VPS36: variants seen among roughly 807,000 people sequenced by gnomAD.
The protein encoded by VPS36 is vacuolar protein-sorting-associated protein 36.
VPS36 carries 31 observed loss-of-function variants against 63.5 expected under a neutral mutation model. The ratio of observed to expected loss-of-function variants is 0.49; its 90% CI spans 0.37 to 0.66. The LOEUF (loss-of-function observed/expected upper bound fraction) is 0.66. VPS36 is among the 30% of genes least tolerant of loss of function. VPS36 has a pLI of 0.00. For synonymous variants in VPS36, 138 were observed against 157.2 expected (o/e 0.88, Z 0.91); for missense variants, 338 against 463.7 (o/e 0.73, Z 2.49).
intron 1 of VPS36, among the ~76,000 whole-genome samples, chr13:52,445,655 A>AG (rs2137811058): frequency 1.2e-5 from 1 of 86,264 alleles, no homozygotes; most frequent in African/African-American, 4.6e-5. Context: ...AAAAAAAAAA[A>AG]GGCCGGGCGC....
intron 1 of VPS36, among the ~76,000 whole-genome samples, chr13:52,446,265 GAA>G (rs1304355658): frequency 0.014 from 1,426 of 104,616 alleles, 10 homozygotes; most frequent in African/African-American, 0.031. Flanking sequence ...GATTCCGTCT[GAA>G]AAAAAAAAAA....
intron 10 of VPS36, among the ~76,000 whole-genome samples, chr13:52,421,670 C>T (rs2137776088): frequency 6.6e-6 from 1 of 151,884 alleles, no homozygotes; most frequent in East Asian, 1.9e-4. Flanking sequence ...TACAGGCACA[C>T]ACCACCAAAC....
chr13:52,444,385 G>A (rs1958313371), intron 1 of VPS36, among the ~76,000 whole-genome samples: 1 of 151,646 alleles, frequency 6.6e-6, no homozygotes, highest in Non-Finnish European at 1.5e-5. Flanking sequence ...GCATGAACCC[G>A]GGAGGCGGAG....
At chr13:52,417,002 G>C in intron 12 of VPS36, 55 bp downstream of exon 12, 1 of 1,476,122 alleles carries the variant, frequency 6.8e-7, no homozygotes, top group Non-Finnish European at 9.3e-7. Flanking sequence ...GAGTTGCTAA[G>C]CCTTCGGGTC....
rs779092607 is a variant in VPS36, at chr13:52,418,028, G to C, written c.869C>G (p.Ala290Gly). 2 of 1,611,692 alleles carry C rather than the reference G, an allele frequency of 1.2e-6. No homozygotes were observed. The highest frequency in any genetic ancestry group is 2.2e-5 in the East Asian group (1 of 44,814). ...TTTCAGTGCTTCCAGCATCTTGCAC[G>C]CATTCACTAAATCTTCTGGTGAGAG... Reference protein sequence around the residue: ...ELLSPEDLVNACKMLEALKLP... With the variant: ...ELLSPEDLVNGCKMLEALKLP... Residue 290 changes from alanine (A) to glycine (G), a missense_variant, in exon 11 of 14, where the codon GCG becomes GGG. By Grantham distance (60) the Ala-to-Gly change is moderately conservative (BLOSUM62 0). Transcript: ENST00000378060.
chr13:52,429,231 C>G, intron 6 of VPS36: 1 of 984,624 alleles, frequency 1.0e-6, no homozygotes, highest in Non-Finnish European at 1.2e-6. Flanking sequence ...TGATTTCTTA[C>G]TTACTTTTAG....
intron 10 of VPS36, among the ~76,000 whole-genome samples, chr13:52,418,666 AT>A (rs1354935289): frequency 6.6e-6 from 1 of 152,114 alleles, no homozygotes; most frequent in South Asian, 2.1e-4. Flanking sequence ...CATAGAACCA[AT>A]TCAACATATA....
At chr13:52,438,713 G>A (rs555555997) in intron 3 of VPS36, among the ~76,000 whole-genome samples, 6 of 152,214 alleles carry the variant, frequency 3.9e-5, no homozygotes, top group African/African-American at 1.2e-4. Context: ...TCTGATAAAT[G>A]TCCTGCTTTG....
At chr13:52,431,491 G>A (rs936731003) in intron 6 of VPS36, among the ~76,000 whole-genome samples, 1 of 152,088 alleles carries the variant, frequency 6.6e-6, no homozygotes, top group African/African-American at 2.4e-5. Context: ...CGGTCTGGGC[G>A]CGGTGGCTCA....
At chr13:52,418,133 C>T in intron 10 of VPS36, 77 bp from the exon 11 acceptor site, 1 of 1,268,730 alleles carries the variant, frequency 7.9e-7, no homozygotes, top group Non-Finnish European at 1.1e-6. Flanking sequence ...TTTAAAATTA[C>T]CATTTATCAA....
chr13:52,420,950 G>A (rs771641499), intron 10 of VPS36, among the ~76,000 whole-genome samples: 3 of 152,062 alleles, frequency 2.0e-5, no homozygotes, highest in African/African-American at 2.4e-5. Context: ...GGGAAACCCC[G>A]ATTCTACTAA....
rs1391543312 is a variant in VPS36, at chr13:52,434,891, C to T, written c.352-9G>A. 3 of 1,607,748 alleles carry T rather than the reference C, an allele frequency of 1.9e-6. No homozygotes were observed. Among genetic ancestry groups the T allele is most frequent in the Non-Finnish European group, 2.6e-6 (3 of 1,175,378 alleles). ...GATAAACGCCTGTAAAACTGATACG[C>T]AAATAAATACACTTTAAATGACTCA... On this transcript the variant is annotated splice_polypyrimidine_tract_variant and intron_variant, in intron 4 of 13. Transcript: ENST00000378060.
chr13:52,436,252 C>CACACAA, intron 4 of VPS36, 38 bp downstream of exon 4: 1 of 1,419,664 alleles, frequency 7.0e-7, no homozygotes. Context: ...CACACACACA[C>CACACAA]ACCTTTCTAG....
At position 52,444,501 on chromosome 13, in the gene VPS36, T is replaced by C. The variant is rs148634354; in HGVS notation, c.97-2056A>G. 5.3e-3 allele frequency among the ~76,000 whole-genome samples: 779 copies of C among 147,522 alleles called. 3 individuals carry two copies. The highest frequency in any genetic ancestry group is 7.2e-3 in the Non-Finnish European group (484 of 67,122). ...ACATTTTTATATAAATACATATACA[T>C]ATATATGTATAAAAATATATATATT... On this transcript the variant is annotated intron_variant, in intron 1 of 13. Coordinates refer to ENST00000378060, the MANE Select transcript of VPS36 (RefSeq NM_016075.4).
intron 6 of VPS36, among the ~76,000 whole-genome samples, chr13:52,431,514 T>G (rs1342610577): frequency 1.3e-5 from 2 of 151,312 alleles, no homozygotes; most frequent in Non-Finnish European, 3.0e-5. Flanking sequence ...CCTGTAATCC[T>G]AGCACTTTGG....
At chr13:52,447,583 A>C (rs1435865071) in intron 1 of VPS36, among the ~76,000 whole-genome samples, 2 of 152,218 alleles carry the variant, frequency 1.3e-5, no homozygotes, top group African/African-American at 4.8e-5. Context: ...TGTATTCATA[A>C]GAGGCACTTG....
intron 5 of VPS36, 58 bp from the exon 6 acceptor site, chr13:52,433,806 T>G: frequency 6.7e-7 from 1 of 1,486,892 alleles, no homozygotes; most frequent in Non-Finnish European, 9.2e-7. Flanking sequence ...AACAAAATCT[T>G]TTGTAACCAA....
chr13:52,433,967 A>G (rs1958186476), intron 5 of VPS36, among the ~76,000 whole-genome samples: 1 of 152,226 alleles, frequency 6.6e-6, no homozygotes, highest in Non-Finnish European at 1.5e-5. Flanking sequence ...AATATACAAT[A>G]AATGGCATAT....
At chr13:52,445,971 C>T (rs1398743756) in intron 1 of VPS36, among the ~76,000 whole-genome samples, 1 of 116,200 alleles carries the variant, frequency 8.6e-6, no homozygotes, top group African/African-American at 3.2e-5. Context: ...AAAAAAAAGG[C>T]CGGGCACCTT....
Sources: allele counts gnomAD v4.1 joint callset (sites outside exome capture counted in the v4.1 genomes callset), GRCh38; gene constraint gnomAD v4.1.1; transcripts MANE v1.5; gene names NCBI Gene and HGNC (gene_info 2026-07-23, HGNC 2026-07-21).